NCALD: variants seen among roughly 807,000 people sequenced by gnomAD.
The protein encoded by NCALD is neurocalcin-delta.
Under a neutral mutation model 18.6 loss-of-function variants are expected in NCALD, and 10 were observed. That is an observed-to-expected ratio of 0.54 (90% CI 0.33 to 0.91). The LOEUF (loss-of-function observed/expected upper bound fraction) is 0.91. Among genes scored for constraint, NCALD ranks in the 40% least tolerant of loss-of-function variants. The pLI, the probability that NCALD is intolerant of heterozygous loss-of-function variation, is 0.03. For missense variants in NCALD, 184 were observed against 247.6 expected (o/e 0.74, Z 1.72); for synonymous variants, 88 against 87.4 (o/e 1.01, Z -0.04).
At chr8:101,992,134 G>A (rs1821071840) in intron 2 of NCALD, among the ~76,000 whole-genome samples, 1 of 152,184 alleles carries the variant, frequency 6.6e-6, no homozygotes, top group African/African-American at 2.4e-5. Flanking sequence ...AAAGAACATG[G>A]GCTGCTGACA....
intron 2 of NCALD, among the ~76,000 whole-genome samples, chr8:101,956,504 T>C (rs1280638017): frequency 6.6e-6 from 1 of 152,102 alleles, no homozygotes; most frequent in East Asian, 1.9e-4. Context: ...TGCTTTGAAA[T>C]TTTATAGCAA....
In NCALD at chr8:102,058,123, A is replaced by G. The variant is rs141104755; in HGVS notation, c.-209-37834T>C. Among the ~76,000 whole-genome samples, 53 of 152,350 alleles carry G rather than the reference A, an allele frequency of 3.5e-4. No individual in the cohort carries two copies. The East Asian group carries it at 9.1e-3, about 26-fold the overall frequency. On this transcript the variant is annotated intron_variant, in intron 1 of 6. Coordinates refer to the NCALD transcript ENST00000311028. ...TATGATATGTCATCTTTAACTGGGA[A>G]AGCAGCTAAAAGAATGAGGACACAG...
At chr8:101,785,802 A>G (rs1423955678) in intron 1 of NCALD, 1 of 152,224 alleles carries the variant, frequency 6.6e-6, no homozygotes, top group African/African-American at 2.4e-5. Context: ...TGTCTTCTGA[A>G]CTAGAGGACA....
chr8:101,926,671 T>C (rs1422146260), intron 2 of NCALD, among the ~76,000 whole-genome samples: 1 of 151,916 alleles, frequency 6.6e-6, no homozygotes. Flanking sequence ...CTTAACAATT[T>C]CCCCCCACTC....
At chr8:101,975,442 A>T (rs1820386243) in intron 2 of NCALD, 1 of 152,226 alleles carries the variant, frequency 6.6e-6, no homozygotes. Context: ...ATCAGCTCCC[A>T]GGTGCTACTG....
intron 1 of NCALD, among the ~76,000 whole-genome samples, chr8:101,766,983 C>T (rs1247685963): frequency 6.6e-6 from 1 of 152,194 alleles, no homozygotes; most frequent in Non-Finnish European, 1.5e-5. Flanking sequence ...TTCTGTAACT[C>T]ATTTTTTTCC....
intron 2 of NCALD, among the ~76,000 whole-genome samples, chr8:102,010,433 T>A (rs1022535398): frequency 6.6e-6 from 1 of 152,232 alleles, no homozygotes; most frequent in Non-Finnish European, 1.5e-5. Context: ...AAGTCTGAGC[T>A]TTTTAAATTT....
At chr8:102,002,188 C>A (rs1477470737) in intron 2 of NCALD, among the ~76,000 whole-genome samples, 2 of 152,040 alleles carry the variant, frequency 1.3e-5, no homozygotes, top group African/African-American at 4.8e-5. Context: ...GAAGATCTAC[C>A]AAGCAAATGG....
chr8:101,690,396 A>G (rs1814670973), intron 3 of NCALD: 1 of 985,094 alleles, frequency 1.0e-6, no homozygotes, highest in Non-Finnish European at 1.2e-6. Flanking sequence ...TGCCCCAGAG[A>G]GGATTTATTT....
intron 4 of NCALD, among the ~76,000 whole-genome samples, chr8:101,873,712 G>A (rs1438827048): frequency 4.6e-5 from 7 of 152,210 alleles, no homozygotes. Context: ...GGGACATGAT[G>A]TCAGTTCTGG....
chr8:101,746,629 G>A (rs1022794280), intron 1 of NCALD, among the ~76,000 whole-genome samples: 3 of 151,980 alleles, frequency 2.0e-5, no homozygotes, highest in African/African-American at 7.2e-5. Context: ...TTCAATGTTT[G>A]CAAAATGAGC....
At chr8:101,696,461 G>A (rs1814997015) in intron 2 of NCALD, among the ~76,000 whole-genome samples, 1 of 152,202 alleles carries the variant, frequency 6.6e-6, no homozygotes, top group Non-Finnish European at 1.5e-5. Context: ...AAGACGTGAA[G>A]AAAGCATAGG....
At chr8:101,949,373 G>A (rs1472064286) in intron 2 of NCALD, among the ~76,000 whole-genome samples, 1 of 151,726 alleles carries the variant, frequency 6.6e-6, no homozygotes, top group African/African-American at 2.4e-5. Context: ...TTCTCTGCTT[G>A]GAAATACATT....
chr8:102,026,396 C>G (rs979869978), intron 1 of NCALD, among the ~76,000 whole-genome samples: 18 of 152,152 alleles, frequency 1.2e-4, no homozygotes, highest in Admixed American at 9.2e-4. Context: ...GCACCCATTC[C>G]AAATGGGAGA....
intron 4 of NCALD, among the ~76,000 whole-genome samples, chr8:101,829,321 A>G (rs1281962248): frequency 1.3e-5 from 2 of 152,250 alleles, no homozygotes; most frequent in African/African-American, 4.8e-5. Flanking sequence ...ACTTACAAGG[A>G]ACTTACAAAG....
At chr8:101,800,915 AG>A (rs1455068376) in intron 4 of NCALD, among the ~76,000 whole-genome samples, 3 of 48,190 alleles carry the variant, frequency 6.2e-5, no homozygotes, top group Non-Finnish European at 7.1e-5. Context: ...AAAAAAGGGG[AG>A]GGGGGAGAGA....
intron 1 of NCALD, among the ~76,000 whole-genome samples, chr8:102,113,770 T>G (rs1825703169): frequency 6.6e-6 from 1 of 152,346 alleles, no homozygotes; most frequent in East Asian, 1.9e-4. Context: ...CAAGAAACAT[T>G]TCTTGGCCAG....
chr8:102,072,509 GACA>G (rs987315997), intron 1 of NCALD, among the ~76,000 whole-genome samples: 3 of 152,056 alleles, frequency 2.0e-5, no homozygotes, highest in Admixed American at 6.5e-5. Context: ...TTAACACAAA[GACA>G]ACAACAGAGT....
chr8:102,025,440 T>C (rs1258626427), intron 1 of NCALD, among the ~76,000 whole-genome samples: 2 of 152,206 alleles, frequency 1.3e-5, no homozygotes, highest in Non-Finnish European at 2.9e-5. Context: ...GAAGTACAGA[T>C]GGTTCAGGTT....
Sources: gnomAD v4.1 joint callset for allele counts (sites outside exome capture counted in the v4.1 genomes callset) on GRCh38, gnomAD v4.1.1 for gene constraint, MANE v1.5 for transcripts, NCBI Gene and HGNC (gene_info 2026-07-23, HGNC 2026-07-21) for gene names.